The following RSPRY1 variants were observed in gnomAD, a reference collection of about 807,000 sequenced individuals.
The protein encoded by RSPRY1 is RING finger and SPRY domain-containing protein 1.
Under a neutral mutation model 73.1 loss-of-function variants are expected in RSPRY1, and 23 were observed. That is an observed-to-expected ratio of 0.31 (90% confidence interval 0.23 to 0.45). The LOEUF (loss-of-function observed/expected upper bound fraction) is 0.45, where lower values mean the gene tolerates loss of function less well. Among genes scored for constraint, RSPRY1 ranks in the 20% least tolerant of loss-of-function variants. The pLI is 1.00. For missense variants in RSPRY1, 448 were observed against 698.7 expected, an observed-to-expected ratio of 0.64 and a Z score of 4.05; for synonymous variants, 226 against 251.4, an observed-to-expected ratio of 0.90 and a Z score of 0.95.
At chr16:57,228,336 C>T (rs1260105194) in intron 11 of RSPRY1, among the ~76,000 whole-genome samples, 1 of 148,422 alleles carries the variant, frequency 6.7e-6, no homozygotes, top group Non-Finnish European at 1.5e-5. Context: ...AACAGCTCCA[C>T]TTGATTAAAT....
At chr16:57,195,874 T>A (rs1465079071) in intron 1 of RSPRY1, among the ~76,000 whole-genome samples, 1 of 151,140 alleles carries the variant, frequency 6.6e-6, no homozygotes, top group Non-Finnish European at 1.5e-5. Context: ...TACAAAAAAT[T>A]AGCTGAGCGT....
At chr16:57,236,630 C>G (rs1467232320) in intron 14 of RSPRY1, among the ~76,000 whole-genome samples, 1 of 152,190 alleles carries the variant, frequency 6.6e-6, no homozygotes, top group Non-Finnish European at 1.5e-5. Context: ...CAGGTGAACT[C>G]TTTACAACTT....
chr16:57,208,798 A>G (rs1391564138), intron 3 of RSPRY1, among the ~76,000 whole-genome samples: 3 of 152,192 alleles, frequency 2.0e-5, no homozygotes, highest in Non-Finnish European at 2.9e-5. Flanking sequence ...TATGTAGTAA[A>G]TAAGATGCTT....
intron 1 of RSPRY1, among the ~76,000 whole-genome samples, chr16:57,195,047 A>G (rs2074414921): frequency 6.6e-6 from 1 of 152,212 alleles, no homozygotes; most frequent in South Asian, 2.1e-4. Flanking sequence ...AAATGAAAAA[A>G]CATGTAAAAT....
At chr16:57,220,982 A>G in intron 9 of RSPRY1, 135 bp downstream of exon 9, 2 of 695,290 alleles carry the variant, frequency 2.9e-6, no homozygotes, top group Non-Finnish European at 4.9e-6. Flanking sequence ...CTTCAGGGGG[A>G]AGTCTCAAAG....
chr16:57,194,681 A>T (rs998248727), intron 1 of RSPRY1, among the ~76,000 whole-genome samples: 9 of 152,070 alleles, frequency 5.9e-5, no homozygotes, highest in African/African-American at 2.2e-4. Context: ...CTTTATGGTC[A>T]CTCTTGTAAT....
chr16:57,221,515 C>T (rs2075035850), intron 10 of RSPRY1, 100 bp downstream of exon 10: 2 of 1,290,156 alleles, frequency 1.6e-6, no homozygotes, highest in Non-Finnish European at 2.1e-6. Flanking sequence ...TAGATTTGCT[C>T]AATAATCTTT....
At chr16:57,207,492 C>T (rs1262805672) in intron 2 of RSPRY1, 2 of 421,142 alleles carry the variant, frequency 4.7e-6, no homozygotes, top group Non-Finnish European at 9.6e-6. Flanking sequence ...TGTATAATGC[C>T]ACTTTGGAGC....
chr16:57,214,808 C>T (rs374083102), intron 6 of RSPRY1, among the ~76,000 whole-genome samples: 2 of 152,216 alleles, frequency 1.3e-5, no homozygotes, highest in African/African-American at 4.8e-5. Flanking sequence ...GTGGGCTGGT[C>T]ACCTGAGGTC....
intron 10 of RSPRY1, among the ~76,000 whole-genome samples, chr16:57,221,967 C>G (rs997705002): frequency 6.6e-6 from 1 of 152,188 alleles, no homozygotes; most frequent in Admixed American, 6.5e-5. Flanking sequence ...GAGTTCCTCC[C>G]TTTCCTACAG....
chr16:57,221,121 A>G (rs1482301100), intron 9 of RSPRY1, 151 bp from the exon 10 acceptor site: 4 of 988,114 alleles, frequency 4.0e-6, no homozygotes, highest in African/African-American at 3.2e-5. Context: ...TTGGTTTTGT[A>G]CTTTTTGTCA....
intron 3 of RSPRY1, among the ~76,000 whole-genome samples, chr16:57,208,376 T>TTA (rs200643065): frequency 1.0e-3 from 98 of 94,354 alleles, no homozygotes; most frequent in South Asian, 3.0e-3. Flanking sequence ...AGGAGATTAT[T>TTA]TATATATATA....
At chr16:57,232,320 G>C (rs1218882277) in intron 13 of RSPRY1, among the ~76,000 whole-genome samples, 2 of 152,188 alleles carry the variant, frequency 1.3e-5, no homozygotes, top group African/African-American at 4.8e-5. Context: ...CTAGAAAATG[G>C]GACGATGATG....
chr16:57,236,391 G>A (rs1392789193), intron 14 of RSPRY1, among the ~76,000 whole-genome samples: 1 of 152,134 alleles, frequency 6.6e-6, no homozygotes, highest in African/African-American at 2.4e-5. Flanking sequence ...AATAGAGTTG[G>A]AAGAGGACAT....
chr16:57,208,840 T>C (rs2074780316), intron 3 of RSPRY1, among the ~76,000 whole-genome samples: 1 of 152,214 alleles, frequency 6.6e-6, no homozygotes, highest in Non-Finnish European at 1.5e-5. Flanking sequence ...CACAAGACCA[T>C]AGCTTAACCT....
intron 10 of RSPRY1, among the ~76,000 whole-genome samples, chr16:57,226,232 G>T (rs545606612): frequency 6.6e-6 from 1 of 152,292 alleles, no homozygotes; most frequent in African/African-American, 2.4e-5. Context: ...TCTGCTACAT[G>T]CAAGAAAGGT....
rs145931473 is a variant in RSPRY1, at chr16:57,211,007, G to A, written c.516+1820G>A. Among the ~76,000 whole-genome samples the A allele has an allele frequency of 5.1e-3, 784 of 152,312 alleles. 6 individuals carry two copies. Among genetic ancestry groups the A allele is most frequent in the Middle Eastern group, 0.014 (4 of 294 alleles). On this transcript the variant is annotated intron_variant, in intron 4 of 14. Transcript: ENST00000394420. Reference sequence around the variant, plus strand: ...CACTCCAGCCTGGTTAAAAAAAGAAGTATTTGTATCTCAGGTGGCGATCTT... The same window carrying A: ...CACTCCAGCCTGGTTAAAAAAAGAAATATTTGTATCTCAGGTGGCGATCTT...
At chr16:57,237,861 C>T (rs746472739) in intron 14 of RSPRY1, among the ~76,000 whole-genome samples, 5 of 151,218 alleles carry the variant, frequency 3.3e-5, no homozygotes, top group Admixed American at 6.6e-5. Context: ...TACCAGTGCC[C>T]GCCACCATGC....
At chr16:57,216,875 T>A (rs752603547) in intron 7 of RSPRY1, 29 bp from the exon 8 acceptor site, 1 of 1,603,782 alleles carries the variant, frequency 6.2e-7, no homozygotes, top group Non-Finnish European at 8.5e-7. Context: ...CTTTCATTGT[T>A]AATTCAAGGA....
Sources: allele counts gnomAD v4.1 joint callset (sites outside exome capture counted in the v4.1 genomes callset), GRCh38; gene constraint gnomAD v4.1.1; transcripts MANE v1.5; gene names NCBI Gene and HGNC (gene_info 2026-07-23, HGNC 2026-07-21).